DRC9: variants seen among roughly 807,000 people sequenced by gnomAD.
DRC9 encodes dynein regulatory complex protein 9.
chr3:197,903,834 G>A, the DRC9 span, among the ~76,000 whole-genome samples: 1 of 151,748 alleles, frequency 6.6e-6, no homozygotes, highest in Non-Finnish European at 1.5e-5. Flanking sequence ...AAAGGGCCGA[G>A]TGTAGTCACT....
the DRC9 span, among the ~76,000 whole-genome samples, chr3:197,945,356 C>T: frequency 3.9e-5 from 6 of 152,192 alleles, no homozygotes; most frequent in Non-Finnish European, 7.3e-5. Flanking sequence ...GAAGTGGATA[C>T]TGCAGCCCCC....
At chr3:197,889,607 CTTGCCTTTACCT>C in the DRC9 span, 1 of 1,614,106 alleles carries the variant, frequency 6.2e-7, no homozygotes, top group Non-Finnish European at 8.5e-7. Context: ...TCCTCTTATC[CTTGCCTTTACCT>C]TTGCCTTTTG....
the DRC9 span, chr3:197,957,472 T>C: frequency 6.5e-6 from 1 of 154,634 alleles, no homozygotes; most frequent in African/African-American, 2.4e-5. Flanking sequence ...TTTTTTTTTT[T>C]TTTTTGAGAC....
At chr3:197,903,405 G>A in the DRC9 span, among the ~76,000 whole-genome samples, 247 of 152,302 alleles carry the variant, frequency 1.6e-3, 1 homozygote, top group Non-Finnish European at 2.9e-3. Context: ...CCAGCACTAT[G>A]GGAGGCTGAG....
the DRC9 span, chr3:197,925,874 G>A: frequency 1.3e-5 from 8 of 618,070 alleles, no homozygotes; most frequent in East Asian, 2.7e-5. Flanking sequence ...GTGAGCCACC[G>A]TGCCCGGCTA....
the DRC9 span, among the ~76,000 whole-genome samples, chr3:197,930,179 A>G: frequency 6.6e-6 from 1 of 151,532 alleles, no homozygotes; most frequent in Non-Finnish European, 1.5e-5. Flanking sequence ...ACATGGCAAA[A>G]CCCCATCTCT....
chr3:197,904,007 CAT>C, the DRC9 span, among the ~76,000 whole-genome samples: 244 of 94,220 alleles, frequency 2.6e-3, 1 homozygote, highest in African/African-American at 0.012. Flanking sequence ...TATATACATA[CAT>C]ATATATATAC....
the DRC9 span, among the ~76,000 whole-genome samples, chr3:197,926,795 C>T: frequency 0.02 from 3,048 of 152,226 alleles, 108 homozygotes; most frequent in African/African-American, 0.07. Context: ...CAAACACAGC[C>T]GTGTCTTCCA....
At chr3:197,903,407 G>A in the DRC9 span, among the ~76,000 whole-genome samples, 14 of 152,200 alleles carry the variant, frequency 9.2e-5, no homozygotes, top group Non-Finnish European at 1.9e-4. Context: ...AGCACTATGG[G>A]AGGCTGAGGC....
chr3:197,919,610 T>C, the DRC9 span, among the ~76,000 whole-genome samples: 1 of 152,180 alleles, frequency 6.6e-6, no homozygotes, highest in East Asian at 1.9e-4. Context: ...GTTATTCGAA[T>C]TCAGAGAAGC....
chr3:197,952,711 C>T, the DRC9 span: 1 of 152,034 alleles, frequency 6.6e-6, no homozygotes, highest in Non-Finnish European at 1.5e-5. Context: ...TCACTCTGGT[C>T]TTGAACTCCT....
chr3:197,890,260 T>C, the DRC9 span, among the ~76,000 whole-genome samples: 2 of 151,914 alleles, frequency 1.3e-5, no homozygotes, highest in East Asian at 1.9e-4. Flanking sequence ...AAAAAATTAG[T>C]CAGGCCTGGT....
chr3:197,956,443 G>A, the DRC9 span: 1 of 152,516 alleles, frequency 6.6e-6, no homozygotes, highest in African/African-American at 2.4e-5. Flanking sequence ...CTCATAAAAA[G>A]CAATCCTATG....
the DRC9 span, among the ~76,000 whole-genome samples, chr3:197,933,793 G>A: frequency 6.6e-6 from 1 of 151,526 alleles, no homozygotes; most frequent in African/African-American, 2.4e-5. Context: ...AATACATGTA[G>A]TTTTACATGT....
chr3:197,920,363 G>A, the DRC9 span, among the ~76,000 whole-genome samples: 4 of 151,344 alleles, frequency 2.6e-5, no homozygotes, highest in Admixed American at 2.6e-4. Flanking sequence ...AGTTACTTGG[G>A]AAGCTTGAGG....
chr3:197,904,721 G>A, the DRC9 span, among the ~76,000 whole-genome samples: 3 of 152,126 alleles, frequency 2.0e-5, no homozygotes, highest in Non-Finnish European at 4.4e-5. Flanking sequence ...TTAGCTGGGC[G>A]TGGTGGCGCA....
At chr3:197,898,071 G>T in the DRC9 span, among the ~76,000 whole-genome samples, 1 of 151,614 alleles carries the variant, frequency 6.6e-6, no homozygotes, top group African/African-American at 2.4e-5. Flanking sequence ...ATGAGCCACT[G>T]TGCCCAGCCA....
the DRC9 span, chr3:197,956,935 A>T: frequency 3.3e-5 from 5 of 152,192 alleles, no homozygotes; most frequent in East Asian, 9.6e-4. Context: ...TTAAATTAAC[A>T]TCTTTAAATT....
chr3:197,917,603 TG>T, the DRC9 span, among the ~76,000 whole-genome samples: 1 of 151,780 alleles, frequency 6.6e-6, no homozygotes, highest in East Asian at 1.9e-4. Context: ...CTGGAGTGCC[TG>T]GCACAACTTA....
Sources: gnomAD v4.1 joint callset for allele counts (sites outside exome capture counted in the v4.1 genomes callset) on GRCh38, gnomAD v4.1.1 for gene constraint, MANE v1.5 for transcripts, NCBI Gene and HGNC (gene_info 2026-07-23, HGNC 2026-07-21) for gene names.